Variants in SVOP observed in about 807,000 individuals in gnomAD.
SVOP encodes the protein synaptic vesicle 2-related protein.
A neutral mutation model predicts 69.1 loss-of-function variants in SVOP; 17 were observed. The observed-to-expected ratio is 0.25, with a 90% confidence interval of 0.17 to 0.37. The LOEUF is 0.37. SVOP is among the 10% of genes least tolerant of loss of function. The pLI is 1.00. For missense variants in SVOP, 435 were observed against 597.5 expected (o/e 0.73, Z 2.84); for synonymous variants, 238 against 238.6 (o/e 1.00, Z 0.02).
chr12:108,986,503 G>A (rs1476847534), intron 1 of SVOP, among the ~76,000 whole-genome samples: 1 of 152,134 alleles, frequency 6.6e-6, no homozygotes, highest in Non-Finnish European at 1.5e-5. Flanking sequence ...TTTAACTAAA[G>A]GATTAGACTA....
intron 11 of SVOP, chr12:108,926,450 T>G (rs2039780706): frequency 6.6e-6 from 1 of 152,202 alleles, no homozygotes; most frequent in Non-Finnish European, 1.5e-5. Flanking sequence ...TATGGCATGC[T>G]TCATCAATTT....
Position 109,021,056 on chromosome 12 carries a change from C to G in SVOP, c.-188G>C, listed in dbSNP as rs1747533069. ...AGACAAAGCCTCCGCCGCCAGGAGA[C>G]CGCGGCGAGAGTGGGCGGAGAAGAG... On this transcript the variant is annotated 5_prime_UTR_variant, in exon 1 of 16. Coordinates refer to ENST00000610966, the MANE Select transcript of SVOP (RefSeq NM_018711.5). The G allele has an allele frequency of 1.8e-6, 1 of 565,314 alleles. No homozygotes were observed. The highest frequency in any genetic ancestry group is 3.3e-5 in the Admixed American group (1 of 30,662). The allele number at this position is 565,314 out of a possible 1,614,324, so 35.0% of individuals were successfully genotyped here.
intron 9 of SVOP, among the ~76,000 whole-genome samples, 172 bp downstream of exon 9, chr12:108,938,655 C>T (rs933552498): frequency 1.3e-5 from 2 of 152,202 alleles, no homozygotes; most frequent in African/African-American, 2.4e-5. Flanking sequence ...CCAAATTACC[C>T]TTGCAGGTCC....
chr12:108,969,444 C>T (rs567677924), intron 5 of SVOP, among the ~76,000 whole-genome samples: 53 of 150,558 alleles, frequency 3.5e-4, no homozygotes, highest in Non-Finnish European at 6.2e-4. Context: ...TGCAATGGCA[C>T]GATCTCGGCT....
chr12:108,954,390 C>T (rs935208066), intron 6 of SVOP, among the ~76,000 whole-genome samples: 2 of 152,094 alleles, frequency 1.3e-5, no homozygotes, highest in Admixed American at 1.3e-4. Flanking sequence ...GGAAGGGCTA[C>T]AGTAGTGTTC....
intron 15 of SVOP, 83 bp from the exon 16 acceptor site, chr12:108,912,824 C>G (rs1186001424): frequency 7.4e-7 from 1 of 1,357,320 alleles, no homozygotes; most frequent in Non-Finnish European, 1.0e-6. Context: ...TTAGTAACAT[C>G]AGGCCCTCTC....
At chr12:109,008,809 G>T (rs1238401995) in intron 1 of SVOP, among the ~76,000 whole-genome samples, 1 of 152,078 alleles carries the variant, frequency 6.6e-6, no homozygotes, top group Admixed American at 6.6e-5. Context: ...AAACCAAATT[G>T]CCTGAGTTGA....
At chr12:109,005,442 A>G (rs978995525) in intron 1 of SVOP, among the ~76,000 whole-genome samples, 12 of 152,178 alleles carry the variant, frequency 7.9e-5, no homozygotes, top group African/African-American at 2.9e-4. Context: ...ATAAGCATCT[A>G]TTGAGGGCTG....
chr12:108,991,731 C>T (rs1196965017), intron 1 of SVOP, among the ~76,000 whole-genome samples: 2 of 150,700 alleles, frequency 1.3e-5, no homozygotes, highest in African/African-American at 2.4e-5. Flanking sequence ...GCTGGGATTA[C>T]AGGCGTGAGC....
intron 4 of SVOP, among the ~76,000 whole-genome samples, chr12:108,976,600 C>T (rs548475544): frequency 7.2e-6 from 1 of 138,320 alleles, no homozygotes; most frequent in Non-Finnish European, 1.6e-5. Context: ...GGCCATTCCT[C>T]TCTCTCTCTC....
chr12:108,993,812 C>T (rs2040216543), intron 1 of SVOP, among the ~76,000 whole-genome samples: 1 of 152,000 alleles, frequency 6.6e-6, no homozygotes, highest in South Asian at 2.1e-4. Flanking sequence ...GTGAAGAGTC[C>T]CCTAAGGTAT....
At position 109,006,704 on chromosome 12, in the gene SVOP, T is replaced by C. The variant is rs543012496; in HGVS notation, c.35+14130A>G. ...CTGGTTCTGGGGTGATGAGGGCAGGTAGATGTGGCCTGGAGTCTGGGAGCT... is the reference window on the plus strand; with the variant it reads ...CTGGTTCTGGGGTGATGAGGGCAGGCAGATGTGGCCTGGAGTCTGGGAGCT... On this transcript the variant is annotated intron_variant, in intron 1 of 15. Transcript: ENST00000610966. Among the ~76,000 whole-genome samples the C allele has an allele frequency of 4.5e-4, 69 of 152,130 alleles. 1 individual carries two copies. The South Asian group carries it at 0.014, about 31-fold the overall frequency.
chr12:108,976,730 C>T (rs955805220), intron 4 of SVOP, among the ~76,000 whole-genome samples: 1 of 151,998 alleles, frequency 6.6e-6, no homozygotes, highest in African/African-American at 2.4e-5. Context: ...ATTCTCCTGC[C>T]TCAGCCTCCC....
chr12:108,927,270 G>T (rs968360932), intron 11 of SVOP, among the ~76,000 whole-genome samples: 1 of 152,164 alleles, frequency 6.6e-6, no homozygotes, highest in Non-Finnish European at 1.5e-5. Context: ...GCACCTGTGG[G>T]AGCTGTGAAA....
intron 6 of SVOP, among the ~76,000 whole-genome samples, chr12:108,947,268 T>A (rs1178437885): frequency 6.6e-6 from 1 of 152,076 alleles, no homozygotes; most frequent in Non-Finnish European, 1.5e-5. Flanking sequence ...ATCTCTGTGC[T>A]CAGTGTGCTC....
rs138276544 is a variant in SVOP at position 108,932,281 on chromosome 12, C to T, written c.1048+1914G>A. ...ATCCTCCTGCCTCTTCCTCCCAAAC[C>T]GCTAGGATTATGGGTGTGAGACACC... On this transcript the variant is annotated intron_variant, in intron 11 of 15. Transcript: ENST00000610966. Among the ~76,000 whole-genome samples the T allele has an allele frequency of 1.1e-3, 166 of 152,126 alleles. 1 individual carries two copies. Among genetic ancestry groups the T allele is most frequent in the African/African-American group, 3.8e-3 (158 of 41,502 alleles).
chr12:108,955,808 T>A (rs139988563), intron 6 of SVOP, among the ~76,000 whole-genome samples: 6,891 of 152,236 alleles, frequency 0.045, 573 homozygotes, highest in African/African-American at 0.16. Context: ...GTCCTGGGCA[T>A]TTTACAGAAT....
intron 14 of SVOP, among the ~76,000 whole-genome samples, chr12:108,917,709 C>T (rs187699897): frequency 2.8e-4 from 42 of 151,838 alleles, no homozygotes; most frequent in African/African-American, 9.4e-4. Context: ...GTGGCATGAC[C>T]ATGGCTCACT....
chr12:108,973,365 A>ACG (rs371586228), intron 4 of SVOP, among the ~76,000 whole-genome samples: 1 of 17,512 alleles, frequency 5.7e-5, no homozygotes, highest in Non-Finnish European at 1.6e-4. Context: ...GGAGAAGCAG[A>ACG]CAGTTTATGT....
Sources: allele counts gnomAD v4.1 joint callset (sites outside exome capture counted in the v4.1 genomes callset), GRCh38; gene constraint gnomAD v4.1.1; transcripts MANE v1.5; gene names NCBI Gene and HGNC (gene_info 2026-07-23, HGNC 2026-07-21).